Variants in CCDC171 observed in about 807,000 individuals in gnomAD.
CCDC171 encodes the protein coiled-coil domain-containing protein 171.
CCDC171 carries 177 observed loss-of-function variants against 168.2 expected under a neutral mutation model. That is an observed-to-expected ratio of 1.05 (90% CI 0.93 to 1.19). CCDC171 has a LOEUF of 1.19. Ranked by LOEUF, CCDC171 falls within the 50% of genes most tolerant of loss-of-function variation. The pLI is 0.00. For missense variants in CCDC171, 1,991 were observed against 1,539.0 expected, an observed-to-expected ratio of 1.29 and a Z score of -4.91; for synonymous variants, 687 against 540.8, an observed-to-expected ratio of 1.27 and a Z score of -3.75.
chr9:15,621,742 A>AG (rs1202772192), intron 6 of CCDC171, among the ~76,000 whole-genome samples: 2 of 152,220 alleles, frequency 1.3e-5, no homozygotes, highest in Non-Finnish European at 2.9e-5. Flanking sequence ...AGAACTAAAA[A>AG]CAGAACTACC....
chr9:15,630,974 G>A (rs2045633284), intron 7 of CCDC171, among the ~76,000 whole-genome samples: 1 of 152,006 alleles, frequency 6.6e-6, no homozygotes, highest in Admixed American at 6.6e-5. Flanking sequence ...TGAAACCAAC[G>A]AGAACAAAGA....
At chr9:15,762,807 G>C (rs1271412186) in intron 18 of CCDC171, among the ~76,000 whole-genome samples, 1 of 152,130 alleles carries the variant, frequency 6.6e-6, no homozygotes, top group Non-Finnish European at 1.5e-5. Context: ...GCTCCTACCT[G>C]GTCTAAGGCA....
chr9:16,101,097 G>A, the CCDC171 span, among the ~76,000 whole-genome samples: 1 of 152,140 alleles, frequency 6.6e-6, no homozygotes, highest in East Asian at 1.9e-4. Context: ...GGCCACAGAG[G>A]CCTTCTCTTA....
Position 15,795,029 on chromosome 9 carries a change from T to C in CCDC171, c.3267+10335T>C, listed in dbSNP as rs560368598. Among the ~76,000 whole-genome samples the C allele has an allele frequency of 4.1e-4, 62 of 152,358 alleles. 1 individual carries two copies. The highest frequency in any genetic ancestry group is 1.5e-3 in the African/African-American group (61 of 41,588). ...GAGAGTGGTGTCTTAGTGCATTTTG[T>C]GTTGCTATGACAAAATAGCACAGAT... On this transcript the variant is annotated intron_variant, in intron 21 of 25. Coordinates refer to ENST00000380701, the MANE Select transcript of CCDC171 (RefSeq NM_173550.4).
chr9:16,091,526 C>A, the CCDC171 span, among the ~76,000 whole-genome samples: 5 of 152,146 alleles, frequency 3.3e-5, no homozygotes, highest in African/African-American at 1.2e-4. Flanking sequence ...ACTGGTCAAC[C>A]TGCCAGTCCC....
chr9:15,579,340 C>T (rs1440992948), intron 4 of CCDC171, among the ~76,000 whole-genome samples: 2 of 152,180 alleles, frequency 1.3e-5, no homozygotes, highest in South Asian at 2.1e-4. Flanking sequence ...TTGTCTTAAA[C>T]ATATACTCCA....
the CCDC171 span, among the ~76,000 whole-genome samples, chr9:16,077,675 C>T: frequency 6.6e-6 from 1 of 152,180 alleles, no homozygotes; most frequent in Admixed American, 6.5e-5. Flanking sequence ...AGCAGCCAAA[C>T]CCCTCCCACT....
In CCDC171 at chr9:15,972,017, T is replaced by C; in HGVS notation, c.*181T>C. On this transcript the variant is annotated 3_prime_UTR_variant, in exon 26 of 26. Transcript: ENST00000380701. ...CTTGAATAAGGAAATAGCCAACTTT[T>C]TTCTCTCCAAGTTTTATTTGTTATC... 3.8e-6 allele frequency: 2 copies of C among 529,748 alleles called. No homozygotes were observed. Among genetic ancestry groups the C allele is most frequent in the East Asian group, 5.9e-5 (2 of 33,654 alleles). The allele number at this position is 529,748 out of a possible 1,614,324, so 32.8% of individuals were successfully genotyped here.
intron 6 of CCDC171, among the ~76,000 whole-genome samples, chr9:16,024,665 A>T (rs373783257): frequency 1.3e-5 from 2 of 152,348 alleles, no homozygotes; most frequent in East Asian, 3.9e-4. Flanking sequence ...AATTCCCTTT[A>T]TTCTGGAAAC....
the CCDC171 span, among the ~76,000 whole-genome samples, chr9:16,072,487 A>G: frequency 3.9e-4 from 60 of 152,258 alleles, no homozygotes; most frequent in African/African-American, 1.3e-3. Context: ...AGCCTTTGGA[A>G]TCCACATCAA....
At position 15,686,014 on chromosome 9, in the gene CCDC171, T is replaced by G. The variant is rs1164226057; in HGVS notation, c.1215+7118T>G. Among the ~76,000 whole-genome samples, 3 of 152,304 alleles carry G rather than the reference T, an allele frequency of 2.0e-5. No individual in the cohort carries two copies. In the East Asian group the frequency reaches 5.8e-4, roughly 29 times the overall value. Reference sequence around the variant, plus strand: ...CACTATTCAATCTTTTCTGCCTAATTTGACCCTAATTTTGATCTCATATTG... The same window carrying G: ...CACTATTCAATCTTTTCTGCCTAATGTGACCCTAATTTTGATCTCATATTG... On this transcript the variant is annotated intron_variant, in intron 10 of 25. Transcript: ENST00000380701.
chr9:15,805,944 A>G (rs940839942), intron 21 of CCDC171, among the ~76,000 whole-genome samples: 6 of 152,116 alleles, frequency 3.9e-5, no homozygotes, highest in African/African-American at 1.4e-4. Flanking sequence ...ATGCTCCTTT[A>G]TTGTGTGTAT....
intron 10 of CCDC171, among the ~76,000 whole-genome samples, chr9:15,688,118 C>CAAAA (rs33945014): frequency 3.7e-4 from 35 of 94,878 alleles, no homozygotes; most frequent in African/African-American, 6.7e-4. Flanking sequence ...GACTCCATCT[C>CAAAA]AAAAAAAAAA....
intron 11 of CCDC171, among the ~76,000 whole-genome samples, chr9:15,713,355 T>G (rs192396046): frequency 5.3e-4 from 81 of 151,758 alleles, no homozygotes; most frequent in African/African-American, 1.8e-3. Context: ...CATAGAGAAC[T>G]CTCCATGCAT....
At chr9:15,832,456 T>C (rs1027942486) in intron 21 of CCDC171, among the ~76,000 whole-genome samples, 1 of 152,210 alleles carries the variant, frequency 6.6e-6, no homozygotes, top group African/African-American at 2.4e-5. Flanking sequence ...ATAGGCTCCA[T>C]GGTAAAGCCT....
intron 3 of CCDC171, among the ~76,000 whole-genome samples, chr9:15,989,327 G>A (rs540927373): frequency 6.6e-6 from 1 of 152,254 alleles, no homozygotes; most frequent in East Asian, 1.9e-4. Context: ...GATCTGGAGT[G>A]GACCTCCAGC....
chr9:15,706,169 A>C (rs1564252687), intron 11 of CCDC171, among the ~76,000 whole-genome samples: 4 of 152,148 alleles, frequency 2.6e-5, no homozygotes, highest in Admixed American at 6.5e-5. Context: ...AAATTCTTAT[A>C]GTAGGATGTG....
chr9:16,069,393 C>T, the CCDC171 span, among the ~76,000 whole-genome samples: 1 of 152,192 alleles, frequency 6.6e-6, no homozygotes, highest in African/African-American at 2.4e-5. Context: ...GAAGGAAGAT[C>T]AGAGTCCAGC....
intron 7 of CCDC171, among the ~76,000 whole-genome samples, chr9:15,624,030 C>T (rs1165016283): frequency 6.6e-6 from 1 of 151,954 alleles, no homozygotes; most frequent in African/African-American, 2.4e-5. Flanking sequence ...AAGTTTTGTC[C>T]TAAACATAAT....
Sources: gnomAD v4.1 joint callset for allele counts (sites outside exome capture counted in the v4.1 genomes callset) on GRCh38, gnomAD v4.1.1 for gene constraint, MANE v1.5 for transcripts, NCBI Gene and HGNC (gene_info 2026-07-23, HGNC 2026-07-21) for gene names.